The following ATP2B2 variants were observed in gnomAD, a reference collection of about 807,000 sequenced individuals.
The protein encoded by ATP2B2 is plasma membrane calcium-transporting ATPase 2.
ATP2B2 carries 15 observed loss-of-function variants against 120.0 expected under a neutral mutation model. The observed-to-expected ratio is 0.12, with a 90% CI of 0.08 to 0.19. The LOEUF (loss-of-function observed/expected upper bound fraction) is 0.19. Among genes scored for constraint, ATP2B2 ranks in the 10% least tolerant of loss-of-function variants. ATP2B2 has a pLI of 1.00. For missense variants in ATP2B2, 1,045 were observed against 1,719.8 expected, an observed-to-expected ratio of 0.61 and a Z score of 6.94; for synonymous variants, 694 against 700.3, an observed-to-expected ratio of 0.99 and a Z score of 0.14.
At chr3:10,379,824 A>G (rs1416063083) in intron 8 of ATP2B2, among the ~76,000 whole-genome samples, 1 of 151,876 alleles carries the variant, frequency 6.6e-6, no homozygotes. Flanking sequence ...AATGGAGAGG[A>G]GTTTGGACAA....
intron 7 of ATP2B2, among the ~76,000 whole-genome samples, chr3:10,386,114 G>A (rs772258757): frequency 1.2e-4 from 19 of 152,212 alleles, no homozygotes; most frequent in Non-Finnish European, 2.2e-4. Flanking sequence ...ACACTGTTGC[G>A]TGAGGGCATG....
At chr3:10,495,546 G>A (rs2066112083) in intron 1 of ATP2B2, among the ~76,000 whole-genome samples, 5 of 152,170 alleles carry the variant, frequency 3.3e-5, no homozygotes, top group Admixed American at 6.5e-5. Flanking sequence ...CAGGTTACCC[G>A]GGGGCTGTAG....
chr3:10,531,200 C>T (rs1212260472), intron 3 of ATP2B2, among the ~76,000 whole-genome samples: 5 of 152,180 alleles, frequency 3.3e-5, no homozygotes, highest in Non-Finnish European at 5.9e-5. Context: ...TGCTGGCACA[C>T]ACTCCCTCCC....
At chr3:10,533,814 C>G (rs561595332) in intron 3 of ATP2B2, among the ~76,000 whole-genome samples, 2 of 152,238 alleles carry the variant, frequency 1.3e-5, no homozygotes, top group Non-Finnish European at 2.9e-5. Context: ...CCTCCACAGT[C>G]TACACCATGC....
intron 3 of ATP2B2, among the ~76,000 whole-genome samples, chr3:10,530,961 A>G (rs936104947): frequency 1.3e-5 from 2 of 152,124 alleles, no homozygotes; most frequent in South Asian, 4.1e-4. Context: ...TTGGGGTAAA[A>G]CATTTTCCAT....
chr3:10,597,019 A>G (rs866356040), intron 2 of ATP2B2, among the ~76,000 whole-genome samples: 11 of 149,824 alleles, frequency 7.3e-5, no homozygotes, highest in African/African-American at 2.7e-4. Flanking sequence ...ACACACGCAC[A>G]CAGGCACACA....
chr3:10,688,230 C>A (rs77340127), intron 1 of ATP2B2, among the ~76,000 whole-genome samples: 1 of 152,072 alleles, frequency 6.6e-6, no homozygotes, highest in Non-Finnish European at 1.5e-5. Context: ...CAAAACATAC[C>A]AGGTTTGCGT....
intron 1 of ATP2B2, among the ~76,000 whole-genome samples, chr3:10,695,556 A>G (rs1045422988): frequency 6.6e-6 from 1 of 152,140 alleles, no homozygotes; most frequent in Admixed American, 6.5e-5. Context: ...GTGAACAAAC[A>G]CAGGCTAGGG....
chr3:10,594,399 G>A (rs2068713300), intron 2 of ATP2B2, among the ~76,000 whole-genome samples: 1 of 152,046 alleles, frequency 6.6e-6, no homozygotes, highest in African/African-American at 2.4e-5. Flanking sequence ...AAAAAATGAT[G>A]AGTTCATGTC....
chr3:10,682,720 C>T (rs1056974997), intron 1 of ATP2B2, among the ~76,000 whole-genome samples: 5 of 152,162 alleles, frequency 3.3e-5, no homozygotes, highest in Non-Finnish European at 7.3e-5. Context: ...ACACAAGAAA[C>T]CCCCAAATCC....
chr3:10,542,327 A>G (rs918087380), intron 2 of ATP2B2, among the ~76,000 whole-genome samples: 1 of 152,192 alleles, frequency 6.6e-6, no homozygotes, highest in African/African-American at 2.4e-5. Flanking sequence ...TATATTTAGA[A>G]CCACATCAGA....
chr3:10,592,747 C>T (rs555655933), intron 2 of ATP2B2, among the ~76,000 whole-genome samples: 2 of 152,332 alleles, frequency 1.3e-5, no homozygotes, highest in East Asian at 1.9e-4. Flanking sequence ...CCCACTGCCA[C>T]CCTGGAATAT....
intron 1 of ATP2B2, among the ~76,000 whole-genome samples, chr3:10,491,945 GA>G (rs967001383): frequency 1.1e-4 from 16 of 152,126 alleles, no homozygotes; most frequent in African/African-American, 3.9e-4. Context: ...AAAATGCGGG[GA>G]AAAAAGTGCA....
chr3:10,344,639 G>A (rs928850089), intron 18 of ATP2B2, among the ~76,000 whole-genome samples: 8 of 152,308 alleles, frequency 5.3e-5, no homozygotes, highest in Admixed American at 3.9e-4. Context: ...TGGCCAGGCT[G>A]GTCAGCCCCT....
intron 2 of ATP2B2, among the ~76,000 whole-genome samples, chr3:10,535,385 A>ATGTGTGTGTGTG (rs34707434): frequency 5.7e-4 from 84 of 147,158 alleles, no homozygotes; most frequent in African/African-American, 1.5e-3. Context: ...CAGCAGTTTG[A>ATGTGTGTGTGTG]TGTGTGTGTG....
At chr3:10,620,906 G>C (rs766498948) in intron 1 of ATP2B2, among the ~76,000 whole-genome samples, 1 of 152,122 alleles carries the variant, frequency 6.6e-6, no homozygotes, top group Non-Finnish European at 1.5e-5. Flanking sequence ...GCAGGTATCC[G>C]GCACAGTAGC....
At chr3:10,491,835 C>T (rs968050898) in intron 1 of ATP2B2, among the ~76,000 whole-genome samples, 20 of 152,118 alleles carry the variant, frequency 1.3e-4, no homozygotes, top group Non-Finnish European at 2.9e-5. Flanking sequence ...AATGGTAAGT[C>T]GAGCCATGAT....
At chr3:10,700,816 T>C in intron 1 of ATP2B2, among the ~76,000 whole-genome samples, 1 of 152,238 alleles carries the variant, frequency 6.6e-6, no homozygotes, top group South Asian at 2.1e-4. Context: ...CCTGTGTCAT[T>C]CTCACTCAGA....
chr3:10,522,123 A>G (rs1004076887), intron 3 of ATP2B2, among the ~76,000 whole-genome samples: 2 of 152,198 alleles, frequency 1.3e-5, no homozygotes, highest in African/African-American at 4.8e-5. Flanking sequence ...TTATTTTTAA[A>G]AATGTATGCT....
Sources: gnomAD v4.1 joint callset for allele counts (sites outside exome capture counted in the v4.1 genomes callset) on GRCh38, gnomAD v4.1.1 for gene constraint, MANE v1.5 for transcripts, NCBI Gene and HGNC (gene_info 2026-07-23, HGNC 2026-07-21) for gene names.